ST8SIA2: variants seen among roughly 807,000 people sequenced by gnomAD.
ST8SIA2 encodes the protein alpha-2,8-sialyltransferase 8B.
A neutral mutation model predicts 37.6 loss-of-function variants in ST8SIA2; 22 were observed. The observed-to-expected ratio is 0.58, with a 90% confidence interval of 0.42 to 0.83. The LOEUF is 0.83. Ranked by LOEUF, ST8SIA2 falls within the 40% of genes least tolerant of loss-of-function variation. ST8SIA2 has a pLI of 0.00. For missense variants in ST8SIA2, 382 were observed against 484.7 expected, an observed-to-expected ratio of 0.79 and a Z score of 1.99; for synonymous variants, 205 against 201.2, an observed-to-expected ratio of 1.02 and a Z score of -0.16.
At chr15:92,463,513 G>C (rs1264658646) in intron 5 of ST8SIA2, among the ~76,000 whole-genome samples, 1 of 152,154 alleles carries the variant, frequency 6.6e-6, no homozygotes, top group Admixed American at 6.5e-5. Flanking sequence ...GATCCGCGAG[G>C]GGACGCCCTG....
chr15:92,403,403 T>C (rs895768853), intron 1 of ST8SIA2, among the ~76,000 whole-genome samples: 3 of 152,192 alleles, frequency 2.0e-5, no homozygotes, highest in African/African-American at 7.2e-5. Context: ...TGCACAAAGA[T>C]GCTGGAAACT....
intron 1 of ST8SIA2, among the ~76,000 whole-genome samples, chr15:92,414,507 T>G (rs1435749101): frequency 6.6e-6 from 1 of 152,232 alleles, no homozygotes; most frequent in Non-Finnish European, 1.5e-5. Context: ...AAATCCCGCC[T>G]AGAGCTCCCT....
At chr15:92,427,318 A>G (rs1328202000) in intron 1 of ST8SIA2, among the ~76,000 whole-genome samples, 1 of 151,554 alleles carries the variant, frequency 6.6e-6, no homozygotes, top group Non-Finnish European at 1.5e-5. Context: ...CTTAAGCTAT[A>G]CTCCATGAGC....
chr15:92,464,072 C>CTTTTTTTTTTTTTTT lies in ST8SIA2; in HGVS notation c.843-19_843-5dup, dbSNP rs34156050. 210 of 1,273,618 alleles carry CTTTTTTTTTTTTTTT rather than the reference C, an allele frequency of 1.6e-4. 11 individuals are homozygous for CTTTTTTTTTTTTTTT. Among genetic ancestry groups the CTTTTTTTTTTTTTTT allele is most frequent in the Admixed American group, 1.1e-3 (33 of 30,396 alleles). The allele number at this position is 1,273,618 out of a possible 1,614,324, so 78.9% of individuals were successfully genotyped here. On this transcript the variant is annotated intron_variant, in intron 5 of 5. Coordinates refer to ENST00000268164, the MANE Select transcript of ST8SIA2 (RefSeq NM_006011.4). ...TGACTCACAGACCCATGTTTCTTTT[C>CTTTTTTTTTTTTTTT]TTTTTTTTTTTTTTTTTTTTTTTCC...
chr15:92,396,315 C>T (rs965814207), intron 1 of ST8SIA2, among the ~76,000 whole-genome samples: 5 of 152,314 alleles, frequency 3.3e-5, no homozygotes, highest in Non-Finnish European at 2.9e-5. Flanking sequence ...GCCCCACCCA[C>T]GGTCAGCCCC....
At chr15:92,401,958 AG>A (rs1367636064) in intron 1 of ST8SIA2, among the ~76,000 whole-genome samples, 4 of 151,864 alleles carry the variant, frequency 2.6e-5, no homozygotes, top group African/African-American at 9.7e-5. Flanking sequence ...AATAGTTTCA[AG>A]TTGCCAGCTG....
intron 1 of ST8SIA2, among the ~76,000 whole-genome samples, chr15:92,396,509 T>A (rs2049431765): frequency 6.6e-6 from 1 of 152,058 alleles, no homozygotes; most frequent in East Asian, 1.9e-4. Context: ...TTTTCTTTTT[T>A]TTGAGACGGA....
At chr15:92,434,857 A>T (rs1474057688) in intron 3 of ST8SIA2, among the ~76,000 whole-genome samples, 1 of 152,220 alleles carries the variant, frequency 6.6e-6, no homozygotes, top group African/African-American at 2.4e-5. Context: ...ACCTAGAGCC[A>T]TAGGGGCATC....
intron 1 of ST8SIA2, among the ~76,000 whole-genome samples, chr15:92,398,843 C>T (rs2049450652): frequency 6.6e-6 from 1 of 152,172 alleles, no homozygotes; most frequent in African/African-American, 2.4e-5. Flanking sequence ...ATAATGTTAA[C>T]GAATATATCT....
intron 1 of ST8SIA2, 141 bp downstream of exon 1, chr15:92,394,303 G>A: frequency 1.2e-6 from 1 of 825,680 alleles, no homozygotes; most frequent in South Asian, 1.5e-5. Flanking sequence ...TTTGGCAGAA[G>A]GTGGCGGCGA....
In ST8SIA2 at chr15:92,464,222, A is replaced by G; in HGVS notation, c.965A>G (p.Gln322Arg). The G allele has an allele frequency of 6.2e-7, 1 of 1,614,086 alleles. No individual in the cohort carries two copies. Among genetic ancestry groups the G allele is most frequent in the Non-Finnish European group, 8.5e-7 (1 of 1,180,012 alleles). The change falls in exon 6 of 6, where the codon CAG becomes CGG. Residue 322 changes from glutamine (Q) to arginine (R), a missense_variant. Gln to Arg is a conservative substitution (Grantham distance 43, BLOSUM62 1). Coordinates refer to ENST00000268164, the MANE Select transcript of ST8SIA2 (RefSeq NM_006011.4). ...LYGFWPFPLD[Q>R]NQNPVKYHYY... is the part of the protein sequence containing the mutation. ...GGCTTCTGGCCCTTTCCGCTGGATC[A>G]GAACCAGAACCCAGTCAAGTACCAC...
Position 92,420,596 on chromosome 15 carries a change from G to A in ST8SIA2, c.99-9453G>A, listed in dbSNP as rs186662146. On this transcript the variant is annotated intron_variant, in intron 1 of 5. Transcript: ENST00000268164. ...TAACAAGCAAAAGTTTGCTGGAATC[G>A]AAGCAAAAAGATAAATCCAATCAAG... Among the ~76,000 whole-genome samples, 4 of 152,252 alleles carry A rather than the reference G, an allele frequency of 2.6e-5. No homozygotes were observed. The East Asian group carries it at 5.8e-4, about 22-fold the overall frequency.
intron 1 of ST8SIA2, among the ~76,000 whole-genome samples, chr15:92,427,988 A>C (rs1459106932): frequency 1.3e-5 from 2 of 152,156 alleles, no homozygotes; most frequent in Non-Finnish European, 2.9e-5. Flanking sequence ...GTCTCAAAAA[A>C]ACAAACAAAC....
chr15:92,456,268 G>T (rs997159055), intron 5 of ST8SIA2, among the ~76,000 whole-genome samples: 3 of 152,236 alleles, frequency 2.0e-5, no homozygotes, highest in African/African-American at 7.2e-5. Flanking sequence ...TTTCCCATGT[G>T]CAGTCCTGGC....
chr15:92,404,050 C>A (rs899227310), intron 1 of ST8SIA2, among the ~76,000 whole-genome samples: 1 of 152,190 alleles, frequency 6.6e-6, no homozygotes, highest in Non-Finnish European at 1.5e-5. Flanking sequence ...CCCCAACCTG[C>A]CAGAACTGCC....
chr15:92,457,485 G>A (rs752070570), intron 5 of ST8SIA2, among the ~76,000 whole-genome samples: 1 of 152,222 alleles, frequency 6.6e-6, no homozygotes, highest in East Asian at 1.9e-4. Context: ...GATTACTTTG[G>A]CTTCTAATTA....
chr15:92,441,295 G>A (rs367831479), intron 4 of ST8SIA2, among the ~76,000 whole-genome samples: 2 of 152,222 alleles, frequency 1.3e-5, no homozygotes, highest in African/African-American at 4.8e-5. Context: ...TCCGGCAGAA[G>A]CGGCATTGGA....
At chr15:92,423,695 C>G (rs2049653772) in intron 1 of ST8SIA2, among the ~76,000 whole-genome samples, 1 of 152,240 alleles carries the variant, frequency 6.6e-6, no homozygotes, top group African/African-American at 2.4e-5. Flanking sequence ...TTTATAGTGG[C>G]ATTAACCCAT....
chr15:92,463,025 C>T (rs1045445182), intron 5 of ST8SIA2, among the ~76,000 whole-genome samples: 5 of 152,308 alleles, frequency 3.3e-5, no homozygotes, highest in African/African-American at 1.2e-4. Context: ...GACTGTGACT[C>T]ATCATTGCAT....
Sources: allele counts gnomAD v4.1 joint callset (sites outside exome capture counted in the v4.1 genomes callset), GRCh38; gene constraint gnomAD v4.1.1; transcripts MANE v1.5; gene names NCBI Gene and HGNC (gene_info 2026-07-23, HGNC 2026-07-21).